Variants in CCDC91 observed in about 807,000 individuals in gnomAD.
CCDC91 encodes the protein coiled-coil domain-containing protein 91.
Under a neutral mutation model 63.2 loss-of-function variants are expected in CCDC91, and 48 were observed. The ratio of observed to expected loss-of-function variants is 0.76; its 90% confidence interval spans 0.60 to 0.97. The LOEUF is 0.97. CCDC91 is among the 50% of genes least tolerant of loss of function. CCDC91 has a pLI of 0.00. For missense variants in CCDC91, 500 were observed against 494.6 expected, an observed-to-expected ratio of 1.01 and a Z score of -0.10; for synonymous variants, 167 against 165.8, an observed-to-expected ratio of 1.01 and a Z score of -0.06.
intron 12 of CCDC91, among the ~76,000 whole-genome samples, chr12:28,531,424 T>C (rs2141623867): frequency 6.6e-6 from 1 of 152,274 alleles, no homozygotes; most frequent in African/African-American, 2.4e-5. Flanking sequence ...TTTCCCCTAT[T>C]CAGGTTGATT....
chr12:28,418,953 A>G (rs1947841901), intron 8 of CCDC91, among the ~76,000 whole-genome samples: 2 of 152,308 alleles, frequency 1.3e-5, no homozygotes, highest in African/African-American at 2.4e-5. Context: ...GCCATTAATT[A>G]TAATGTTTAA....
chr12:28,453,914 C>A (rs192176513), intron 11 of CCDC91, among the ~76,000 whole-genome samples: 57 of 152,118 alleles, frequency 3.7e-4, no homozygotes, highest in African/African-American at 1.4e-3. Context: ...TGAAAAAAAT[C>A]AGCACATATT....
chr12:28,445,802 A>G (rs747775328), intron 8 of CCDC91, among the ~76,000 whole-genome samples: 1 of 152,180 alleles, frequency 6.6e-6, no homozygotes, highest in Non-Finnish European at 1.5e-5. Flanking sequence ...GTGCTCACAC[A>G]GAGAGAATAC....
intron 11 of CCDC91, among the ~76,000 whole-genome samples, chr12:28,482,786 C>CA (rs1302518182): frequency 2.6e-5 from 4 of 151,616 alleles, no homozygotes; most frequent in African/African-American, 7.3e-5. Flanking sequence ...TGAATTGGTC[C>CA]AAAGTAAATA....
At chr12:28,288,992 A>G (rs1949063368) in intron 3 of CCDC91, among the ~76,000 whole-genome samples, 1 of 152,046 alleles carries the variant, frequency 6.6e-6, no homozygotes, top group Non-Finnish European at 1.5e-5. Flanking sequence ...AATATTCTCT[A>G]ATGGTTCTTT....
At chr12:28,341,688 G>C (rs540334887) in intron 6 of CCDC91, among the ~76,000 whole-genome samples, 15 of 152,168 alleles carry the variant, frequency 9.9e-5, no homozygotes, top group African/African-American at 3.6e-4. Context: ...GATGTTTCCT[G>C]CTATTATTTC....
chr12:28,412,760 CT>C lies in CCDC91; in HGVS notation c.762+21355del, dbSNP rs1417633872. ...TCCATTTCTGTCCTTTCAGAGTGCCCTTTTTTCAATCCTTCCTGCGATTGGC... is the reference window on the plus strand; with the variant it reads ...TCCATTTCTGTCCTTTCAGAGTGCCCTTTTTCAATCCTTCCTGCGATTGGC... On this transcript the variant is annotated intron_variant, in intron 8 of 12. Transcript: ENST00000536442. 1.3e-5 allele frequency: 6 copies of C among 453,634 alleles called. No homozygotes were observed. In the Admixed American group the frequency reaches 1.4e-4, roughly 11 times the overall value. The allele number at this position is 453,634 out of a possible 1,614,324, so 28.1% of individuals were successfully genotyped here. A position where few individuals can be genotyped will look rare whatever the true frequency, so the allele number is the denominator to read the frequency against.
chr12:28,203,834 T>C (rs928189629), intron 1 of CCDC91, among the ~76,000 whole-genome samples: 4 of 152,186 alleles, frequency 2.6e-5, no homozygotes, highest in African/African-American at 7.2e-5. Flanking sequence ...ATCTTCAGTT[T>C]AGGCTTGTGA....
chr12:28,344,856 C>G (rs2138086404), intron 6 of CCDC91, among the ~76,000 whole-genome samples: 1 of 152,166 alleles, frequency 6.6e-6, no homozygotes, highest in East Asian at 1.9e-4. Context: ...TAATGTCAGC[C>G]AGATGCCAGT....
At chr12:28,311,256 A>T (rs904741335) in intron 6 of CCDC91, among the ~76,000 whole-genome samples, 1 of 151,920 alleles carries the variant, frequency 6.6e-6, no homozygotes, top group Non-Finnish European at 1.5e-5. Context: ...GAGGCACCTT[A>T]TTACTGTTCC....
At chr12:28,329,482 TATG>T (rs1941309401) in intron 6 of CCDC91, among the ~76,000 whole-genome samples, 1 of 152,160 alleles carries the variant, frequency 6.6e-6, no homozygotes, top group African/African-American at 2.4e-5. Context: ...TTTAATTTTA[TATG>T]ATAAGGTCTA....
chr12:28,505,504 A>C (rs116179209), intron 12 of CCDC91: 2 of 152,056 alleles, frequency 1.3e-5, no homozygotes, highest in Non-Finnish European at 2.9e-5. Context: ...TCATCTTTCC[A>C]CATTAAAAAA....
intron 3 of CCDC91, among the ~76,000 whole-genome samples, chr12:28,273,353 C>G (rs555061982): frequency 6.6e-6 from 1 of 152,018 alleles, no homozygotes; most frequent in Non-Finnish European, 1.5e-5. Flanking sequence ...GGGTATATAC[C>G]CAGTAATGGG....
chr12:28,302,406 A>G (rs562108800), intron 3 of CCDC91, among the ~76,000 whole-genome samples: 1 of 152,204 alleles, frequency 6.6e-6, no homozygotes, highest in South Asian at 2.1e-4. Flanking sequence ...GGTATGCATT[A>G]TCTCATTTAA....
chr12:28,237,229 T>TACACACACACAC (rs1354315062), intron 1 of CCDC91, among the ~76,000 whole-genome samples: 12 of 23,322 alleles, frequency 5.1e-4, no homozygotes, highest in Non-Finnish European at 9.2e-4. Flanking sequence ...ACATGTGTAT[T>TACACACACACAC]ACACATACAC....
chr12:28,357,347 G>A (rs931110060), intron 6 of CCDC91, among the ~76,000 whole-genome samples: 3 of 152,056 alleles, frequency 2.0e-5, no homozygotes, highest in African/African-American at 7.2e-5. Context: ...GGTAGTGGAG[G>A]CTTGGTTGGA....
At chr12:28,233,557 A>G (rs1255795699) in intron 1 of CCDC91, among the ~76,000 whole-genome samples, 1 of 152,192 alleles carries the variant, frequency 6.6e-6, no homozygotes, top group African/African-American at 2.4e-5. Context: ...TGACCCAAAT[A>G]GGAAGTAGTT....
chr12:28,525,682 C>T (rs1023635777), intron 12 of CCDC91, among the ~76,000 whole-genome samples: 30 of 151,970 alleles, frequency 2.0e-4, no homozygotes, highest in African/African-American at 4.4e-4. Flanking sequence ...TGACCTGTCT[C>T]GTGCTGTCAG....
chr12:28,236,381 A>G (rs894784429), intron 1 of CCDC91: 6 of 152,032 alleles, frequency 3.9e-5, no homozygotes, highest in Non-Finnish European at 7.4e-5. Context: ...ATAAAATTAA[A>G]TGTATAAATT....
Sources: gnomAD v4.1 joint callset for allele counts (sites outside exome capture counted in the v4.1 genomes callset) on GRCh38, gnomAD v4.1.1 for gene constraint, MANE v1.5 for transcripts, NCBI Gene and HGNC (gene_info 2026-07-23, HGNC 2026-07-21) for gene names.